The following MLH3 variants were observed in gnomAD, a reference collection of about 807,000 sequenced individuals.
MLH3 encodes the protein mutL homolog 3, also known as DNA mismatch repair protein Mlh3.
Under a neutral mutation model 122.2 loss-of-function variants are expected in MLH3, and 82 were observed. The ratio of observed to expected loss-of-function variants is 0.67; its 90% CI spans 0.56 to 0.81. The LOEUF (loss-of-function observed/expected upper bound fraction) is 0.81. MLH3 is among the 30% of genes least tolerant of loss of function. MLH3 has a pLI of 0.00. For synonymous variants in MLH3, 524 were observed against 599.5 expected (o/e 0.87, Z 1.84); for missense variants, 1,539 against 1,714.5 (o/e 0.90, Z 1.81).
At position 75,049,132 on chromosome 14, in the gene MLH3, A is replaced by G. The variant is rs1892484159; in HGVS notation, c.524T>C (p.Ile175Thr). 6.2e-7 allele frequency: 1 copy of G among 1,614,184 alleles called. No individual in the cohort carries two copies. Among genetic ancestry groups the G allele is most frequent in the Middle Eastern group, 1.6e-4 (1 of 6,062 alleles). Reference protein sequence around the residue: ...RLEFEKVRQRIEALSLMHPSI... With the variant: ...RLEFEKVRQRTEALSLMHPSI... Reference sequence around the variant, plus strand: ...AGGGTGCATGAGTGAGAGAGCTTCTATTCTCTGCCTAACCTTCTCAAACTC... The same window carrying G: ...AGGGTGCATGAGTGAGAGAGCTTCTGTTCTCTGCCTAACCTTCTCAAACTC... Residue 175 changes from isoleucine (I) to threonine (T), a missense_variant, in exon 2 of 13, where the codon ATA (isoleucine) becomes ACA (threonine). Transcript: ENST00000355774.
chr14:75,032,850 A>G (rs1453836417), intron 7 of MLH3, among the ~76,000 whole-genome samples: 1 of 60,436 alleles, frequency 1.7e-5, no homozygotes, highest in African/African-American at 4.3e-5. Context: ...ACATTTAAAA[A>G]GCATATATTG....
intron 11 of MLH3, chr14:75,020,806 G>A (rs533455234): frequency 5.3e-5 from 8 of 152,232 alleles, no homozygotes; most frequent in Non-Finnish European, 1.0e-4. Flanking sequence ...GTGATACGGA[G>A]AAGATTAGCA....
At chr14:75,044,667 G>A (rs1465933413) in intron 2 of MLH3, among the ~76,000 whole-genome samples, 1 of 152,128 alleles carries the variant, frequency 6.6e-6, no homozygotes, top group Non-Finnish European at 1.5e-5. Context: ...AAATACTACT[G>A]AAGTTACTAC....
Position 75,016,526 on chromosome 14 carries a change from C to T in MLH3, c.*556G>A, listed in dbSNP as rs1305549699. On this transcript the variant is annotated 3_prime_UTR_variant, in exon 13 of 13. Coordinates refer to ENST00000355774, the MANE Select transcript of MLH3 (RefSeq NM_001040108.2). ...AAATAACTAAAGGCCTGATGAAAGA[C>T]CCTAGAGAATGTTTTCACTGTAGTA... 1 of 188,840 alleles carries T rather than the reference C, an allele frequency of 5.3e-6. No individual in the cohort carries two copies. The highest frequency in any genetic ancestry group is 2.4e-5 in the African/African-American group (1 of 42,418). The allele number at this position is 188,840 out of a possible 1,614,324, so 11.7% of individuals were successfully genotyped here.
chr14:75,027,432 G>T (rs908747370), intron 9 of MLH3, among the ~76,000 whole-genome samples: 1 of 151,606 alleles, frequency 6.6e-6, no homozygotes, highest in African/African-American at 2.4e-5. Flanking sequence ...GCTAATTTTT[G>T]TATTTTTGGT....
At position 75,046,655 on chromosome 14, in the gene MLH3, G is replaced by T. The variant is rs1181151356; in HGVS notation, c.3001C>A (p.Pro1001Thr). The change falls in exon 2 of 13, where the codon CCC (proline) becomes ACC (threonine). Residue 1001 changes from proline to threonine, a missense_variant. Physicochemically the swap from Pro to Thr is conservative, Grantham distance 38 (BLOSUM62 -1). Transcript: ENST00000355774. ...SEQQIGSLDSPSGMLMNPVED... is the reference protein window; with the variant it reads ...SEQQIGSLDSTSGMLMNPVED... ...ACCGGATTCATTAACATTCCACTGG[G>T]AGAGTCAAGACTTCCTATCTGTTGT... The T allele has an allele frequency of 6.2e-7, 1 of 1,614,074 alleles. No individual in the cohort carries two copies. Among genetic ancestry groups the T allele is most frequent in the African/African-American group, 1.3e-5 (1 of 74,928 alleles).
At chr14:75,019,241 C>G (rs1458743242) in intron 11 of MLH3, 1 of 401,458 alleles carries the variant, frequency 2.5e-6, no homozygotes, top group East Asian at 5.2e-5. Flanking sequence ...GAAATCCCGC[C>G]TCTACTAAAA....
At position 75,049,218 on chromosome 14, in the gene MLH3, T is replaced by A; in HGVS notation, c.438A>T (p.Val146=). The A allele has an allele frequency of 6.2e-7, 1 of 1,614,226 alleles. No individual in the cohort carries two copies. The highest frequency in any genetic ancestry group is 8.5e-7 in the Non-Finnish European group (1 of 1,180,028). ...GCTGGTAAAATAGGTTATACACTGTTACAGTAGTCCCAGCGCTTGCTCTAG... is the reference window on the plus strand; with the variant it reads ...GCTGGTAAAATAGGTTATACACTGTAACAGTAGTCCCAGCGCTTGCTCTAG... ...DVTRASAGTT[V]TVYNLFYQLP... Residue 146 remains valine (V), a synonymous_variant, in exon 2 of 13, where the codon GTA becomes GTT. Transcript: ENST00000355774.
At position 75,015,354 on chromosome 14, in the gene MLH3, C is replaced by G. The variant is rs1889833333; in HGVS notation, c.*1728G>C. The stretch of plus-strand genomic sequence containing the variant: ...ATGGAGGACTTTTTCTAATCCTCTG[C>G]TACTCTCAAGAAAACAGTAGTTGGG... On this transcript the variant is annotated 3_prime_UTR_variant, in exon 13 of 13. Transcript: ENST00000355774. The G allele has an allele frequency of 5.7e-6, 1 of 176,256 alleles. No individual in the cohort carries two copies. The highest frequency in any genetic ancestry group is 6.3e-5 in the Admixed American group (1 of 15,792). The allele number at this position is 176,256 out of a possible 1,614,324, so 10.9% of individuals were successfully genotyped here. A position where few individuals can be genotyped will look rare whatever the true frequency, so the allele number is the denominator to read the frequency against.
At chr14:75,030,220 A>G (rs946449117) in intron 9 of MLH3, among the ~76,000 whole-genome samples, 5 of 152,220 alleles carry the variant, frequency 3.3e-5, no homozygotes, top group African/African-American at 1.2e-4. Context: ...TCACCTCCCC[A>G]GGCACACAAG....
Position 75,048,319 on chromosome 14 carries a change from C to T in MLH3, c.1337G>A (p.Gly446Asp), listed in dbSNP as rs1167692202. ...TGTCATTTTGCTATGGCCTGGACCA[C>T]CTGATTCATAAATGTACAAAAATGC... is the stretch of plus-strand genomic sequence containing the variant. ...NDAFLYIYESGGPGHSKMTEP... is the reference protein window; with the variant it reads ...NDAFLYIYESDGPGHSKMTEP... The change falls in exon 2 of 13, where the codon GGT becomes GAT. Residue 446 changes from glycine (G) to aspartate (D), a missense_variant. Physicochemically the swap from Gly to Asp is moderately conservative, Grantham distance 94. Coordinates refer to ENST00000355774, the MANE Select transcript of MLH3 (RefSeq NM_001040108.2). The T allele has an allele frequency of 5.0e-6, 8 of 1,614,040 alleles. No individual in the cohort carries two copies. The highest frequency in any genetic ancestry group is 6.8e-6 in the Non-Finnish European group (8 of 1,180,016).
intron 5 of MLH3, among the ~76,000 whole-genome samples, chr14:75,039,446 C>A (rs1207953005): frequency 1.3e-5 from 2 of 152,076 alleles, no homozygotes. Flanking sequence ...ACAAAGGGTC[C>A]CTTTTGTGAA....
chr14:75,032,693 A>G (rs1891130589), intron 7 of MLH3, among the ~76,000 whole-genome samples: 5 of 151,322 alleles, frequency 3.3e-5, no homozygotes, highest in Non-Finnish European at 1.5e-5. Context: ...TAGTAATATC[A>G]TTGCCATTCT....
chr14:75,039,863 A>T (rs1175247091), intron 5 of MLH3, 48 bp downstream of exon 5: 1 of 115,644 alleles, frequency 8.6e-6, no homozygotes, highest in Non-Finnish European at 1.6e-5. Context: ...ATATATATAT[A>T]TATATATATA....
intron 12 of MLH3, among the ~76,000 whole-genome samples, chr14:75,017,717 T>C (rs1340724552): frequency 6.6e-6 from 1 of 152,256 alleles, no homozygotes; most frequent in Non-Finnish European, 1.5e-5. Flanking sequence ...AGAAAAACTT[T>C]CTTCATATTT....
At position 75,049,659 on chromosome 14, in the gene MLH3, A is replaced by C. The variant is rs28756977; in HGVS notation, c.-4T>G. 445 of 1,613,342 alleles carry C rather than the reference A, an allele frequency of 2.8e-4. 1 individual carries two copies. In the African/African-American group the frequency reaches 5.2e-3, roughly 19 times the overall value. On this transcript the variant is annotated 5_prime_UTR_variant, in exon 2 of 13. Transcript: ENST00000355774. ...CAACTGACAAGCACTTGATCATGGT[A>C]GGTAGAAAGATGGTGAGAATGCCAG...
At chr14:75,030,267 C>A (rs762973733) in intron 9 of MLH3, among the ~76,000 whole-genome samples, 1 of 152,226 alleles carries the variant, frequency 6.6e-6, no homozygotes, top group Non-Finnish European at 1.5e-5. Context: ...GAAAAACTAT[C>A]TTGGTGCATT....
At chr14:75,040,471 AAAAAAAAAAAAAAT>A (rs1474026018) in intron 4 of MLH3, among the ~76,000 whole-genome samples, 2 of 149,328 alleles carry the variant, frequency 1.3e-5, no homozygotes, top group African/African-American at 5.0e-5. Flanking sequence ...AAAAAAAAAA[AAAAAAAAAAAAAAT>A]TCAAAAGAAT....
intron 6 of MLH3, among the ~76,000 whole-genome samples, chr14:75,034,528 C>T (rs927605088): frequency 5.9e-5 from 9 of 152,130 alleles, no homozygotes; most frequent in African/African-American, 2.2e-4. Flanking sequence ...ATGTGAATAT[C>T]GTAGCTGTGT....
Sources: gnomAD v4.1 joint callset for allele counts (sites outside exome capture counted in the v4.1 genomes callset) on GRCh38, gnomAD v4.1.1 for gene constraint, MANE v1.5 for transcripts, NCBI Gene and HGNC (gene_info 2026-07-23, HGNC 2026-07-21) for gene names.